Variants in LOX observed in about 807,000 individuals in gnomAD.
The protein encoded by LOX is lysyl oxidase, also known as protein-lysine 6-oxidase.
In LOX, 12 loss-of-function variants were observed where a neutral mutation model predicts 50.5. The observed-to-expected ratio is 0.24, with a 90% confidence interval of 0.15 to 0.38. LOX has a LOEUF of 0.38. Ranked by LOEUF, LOX falls within the 10% of genes least tolerant of loss-of-function variation. LOX has a pLI of 1.00. For missense variants in LOX, 504 were observed against 563.8 expected (o/e 0.89, Z 1.07); for synonymous variants, 254 against 230.6 (o/e 1.10, Z -0.92).
rs1039408394 is a variant in LOX at position 122,065,638 on chromosome 5, G to A, written c.*1105C>T. 1 of 151,928 alleles carries A rather than the reference G, an allele frequency of 6.6e-6. No homozygotes were observed. Among genetic ancestry groups the A allele is most frequent in the Non-Finnish European group, 1.5e-5 (1 of 67,974 alleles). 9.4% of individuals were successfully genotyped at this position (151,928 alleles called of 1,614,324 possible). A position where few individuals can be genotyped will look rare whatever the true frequency, so the allele number is the denominator to read the frequency against. Reference sequence around the variant, plus strand: ...ACACACACATGTGTGACTGATTCCTGAATAACCCAGGATGATGTTCCTGTG... The same window carrying A: ...ACACACACATGTGTGACTGATTCCTAAATAACCCAGGATGATGTTCCTGTG... On this transcript the variant is annotated 3_prime_UTR_variant, in exon 7 of 7. Transcript: ENST00000231004.
chr5:122,066,576 C>T lies in LOX; in HGVS notation c.*167G>A. The T allele has an allele frequency of 1.9e-6, 1 of 523,246 alleles. No individual in the cohort carries two copies. The highest frequency in any genetic ancestry group is 3.5e-6 in the Non-Finnish European group (1 of 285,674). The allele number at this position is 523,246 out of a possible 1,614,324, so 32.4% of individuals were successfully genotyped here. A position where few individuals can be genotyped will look rare whatever the true frequency, so the allele number is the denominator to read the frequency against. On this transcript the variant is annotated 3_prime_UTR_variant, in exon 7 of 7. Transcript: ENST00000231004. ...CCCAAGTAATGATGACTTAAGCGTT[C>T]AAAATCCAGTTATGTGCTTTGTTAT...
rs1393237263 is a variant in LOX, at chr5:122,063,972, T to C, written c.*2771A>G. The C allele has an allele frequency of 1.3e-5, 2 of 151,902 alleles. No individual in the cohort carries two copies. Among genetic ancestry groups the C allele is most frequent in the African/African-American group, 2.4e-5 (1 of 41,414 alleles). 9.4% of individuals were successfully genotyped at this position (151,902 alleles called of 1,614,324 possible). The stretch of plus-strand genomic sequence containing the variant: ...TACAGATTTTCTGGAAATAGGCAAG[T>C]TGTATTCTCATATATGTTATGCTAG... On this transcript the variant is annotated 3_prime_UTR_variant, in exon 7 of 7. Coordinates refer to ENST00000231004, the MANE Select transcript of LOX (RefSeq NM_002317.7).
Position 122,077,882 on chromosome 5 carries a change from G to C in LOX, c.104C>G (p.Pro35Arg), listed in dbSNP as rs757946184. ...AAGQQQPPRE[P>R]PAAPGAWRQQ... ...GCGCCAGGCGCCCGGAGCCGCCGGC[G>C]GCTCGCGCGGGGGCTGCTGTTGGCC... Residue 35 changes from proline (P) to arginine (R), a missense_variant, in exon 1 of 7, where the codon CCG (proline) becomes CGG (arginine). Transcript: ENST00000231004. This position sits in a 1 kb window ranked among gnomAD's most constrained non-coding sequence, Gnocchi z 4.9. 3 of 1,536,092 alleles carry C rather than the reference G, an allele frequency of 2.0e-6. No homozygotes were observed. Among genetic ancestry groups the C allele is most frequent in the Non-Finnish European group, 2.6e-6 (3 of 1,146,998 alleles).
At chr5:122,070,193 G>T in intron 5 of LOX, 25 bp from the exon 6 acceptor site, 2 of 1,298,498 alleles carry the variant, frequency 1.5e-6, no homozygotes, top group Non-Finnish European at 2.2e-6. Context: ...GAGTTCCTCA[G>T]TATTTCTTTT....
In LOX at chr5:122,066,063, T is replaced by C. The variant is rs1754291807; in HGVS notation, c.*680A>G. ...TTGGGCAGCTCCCTTACTTAATTTG[T>C]TCCAAAACAAAAGTTGACTCAAGTC... On this transcript the variant is annotated 3_prime_UTR_variant, in exon 7 of 7. Transcript: ENST00000231004. The C allele has an allele frequency of 6.6e-6, 1 of 152,092 alleles. No homozygotes were observed. Among genetic ancestry groups the C allele is most frequent in the South Asian group, 2.1e-4 (1 of 4,838 alleles). 9.4% of individuals were successfully genotyped at this position (152,092 alleles called of 1,614,324 possible).
Position 122,077,632 on chromosome 5 carries a change from C to T in LOX, c.354G>A (p.Arg118=), listed in dbSNP as rs985716380. 1.2e-6 allele frequency: 2 copies of T among 1,610,962 alleles called. No homozygotes were observed. The highest frequency in any genetic ancestry group is 1.7e-6 in the Non-Finnish European group (2 of 1,179,476). ...GSSGVTAGRP[R]PTARHWFQAG... ...CTTGGAACCAGTGACGGGCGGTGGG[C>T]CTGGGGCGGCCAGCGGTGACTCCAG... The change falls in exon 1 of 7, where the codon AGG becomes AGA. Residue 118 remains arginine (R), a synonymous_variant. Transcript: ENST00000231004. This position sits in a 1 kb window ranked among gnomAD's most constrained non-coding sequence, Gnocchi z 4.9.
chr5:122,071,187 ATT>A (rs1659337206), intron 4 of LOX, among the ~76,000 whole-genome samples: 1 of 130,422 alleles, frequency 7.7e-6, no homozygotes, highest in African/African-American at 3.2e-5. Context: ...AATCGTAAAC[ATT>A]TATATGTGTG....
rs1451725256 is a variant in LOX at position 122,077,867 on chromosome 5, C to T, written c.119G>A (p.Gly40Asp). The T allele has an allele frequency of 1.3e-6, 2 of 1,535,988 alleles. No homozygotes were observed. The highest frequency in any genetic ancestry group is 2.4e-5 in the South Asian group (2 of 82,146). ...QPPREPPAAP[G>D]AWRQQIQWEN... ...CCATTGGATCTGCTGGCGCCAGGCGCCCGGAGCCGCCGGCGGCTCGCGCGG... is the reference window on the plus strand; with the variant it reads ...CCATTGGATCTGCTGGCGCCAGGCGTCCGGAGCCGCCGGCGGCTCGCGCGG... The change falls in exon 1 of 7, where the codon GGC (glycine) becomes GAC (aspartate). Residue 40 changes from glycine to aspartate, a missense_variant. Gly to Asp is a moderately conservative substitution (Grantham distance 94, BLOSUM62 -1). Around this residue, in one of 2 missense-constraint regions of LOX, gnomAD observed 398 missense variants for 365.8 expected, o/e 1.09. Transcript: ENST00000231004. The surrounding 1 kb of genome is among the most constrained non-coding windows in gnomAD (Gnocchi z 4.9).
intron 2 of LOX, 141 bp downstream of exon 2, chr5:122,076,752 C>A: frequency 1.5e-6 from 1 of 660,612 alleles, no homozygotes. Context: ...TCAGCATGCC[C>A]AGGAGGTCAC....
chr5:122,075,678 A>ATTTTG (rs1455538633), intron 2 of LOX, 137 bp from the exon 3 acceptor site: 16 of 550,644 alleles, frequency 2.9e-5, no homozygotes, highest in Non-Finnish European at 4.7e-5. Context: ...AGTCTAAGGC[A>ATTTTG]TTTTGTTTCT....
At chr5:122,076,551 T>A (rs1754641111) in intron 2 of LOX, among the ~76,000 whole-genome samples, 1 of 152,156 alleles carries the variant, frequency 6.6e-6, no homozygotes, top group Non-Finnish European at 1.5e-5. Flanking sequence ...TTACAATAAA[T>A]TTTTTGAATT....
chr5:122,077,458 C>T lies in LOX; in HGVS notation c.528G>A (p.Lys176=). The change falls in exon 1 of 7, where the codon AAG becomes AAA. Residue 176 remains lysine, a synonymous_variant. Transcript: ENST00000231004. This position sits in a 1 kb window ranked among gnomAD's most constrained non-coding sequence, Gnocchi z 4.9. ...MVGDDPYNPY[K]YSDDNPYYNY... is the part of the protein sequence containing the mutation. Reference sequence around the variant, plus strand: ...TGTAATAAGGGTTGTCGTCAGAGTACTTGTAGGGGTTGTAAGGGTCGTCGC... The same window carrying T: ...TGTAATAAGGGTTGTCGTCAGAGTATTTGTAGGGGTTGTAAGGGTCGTCGC... 6.2e-7 allele frequency: 1 copy of T among 1,614,090 alleles called. No homozygotes were observed. Among genetic ancestry groups the T allele is most frequent in the Non-Finnish European group, 8.5e-7 (1 of 1,180,008 alleles).
At chr5:122,072,764 A>T (rs1754486886) in intron 4 of LOX, among the ~76,000 whole-genome samples, 1 of 152,242 alleles carries the variant, frequency 6.6e-6, no homozygotes, top group Non-Finnish European at 1.5e-5. Context: ...AAGCTACCAT[A>T]TAAAATGAAA....
In LOX at chr5:122,074,109, C is replaced by T. The variant is rs778978848; in HGVS notation, c.939G>A (p.Arg313=). 1 of 1,614,016 alleles carries T rather than the reference C, an allele frequency of 6.2e-7. No homozygotes were observed. The highest frequency in any genetic ancestry group is 1.1e-5 in the South Asian group (1 of 91,080). ...TTGCTTTGTGGCCTTCAGCCACTCT[C>T]CTCTGGGTGTTGGCATCAAGCAGGT... ...HYDLLDANTQ[R]RVAEGHKASF... is the part of the protein sequence containing the mutation. The change falls in exon 4 of 7, where the codon AGG becomes AGA. Residue 313 remains arginine, a synonymous_variant. Coordinates refer to ENST00000231004, the MANE Select transcript of LOX (RefSeq NM_002317.7).
chr5:122,077,296 A>C lies in LOX; in HGVS notation c.631+59T>G. On this transcript the variant is annotated intron_variant, in intron 1 of 6. Transcript: ENST00000231004. The surrounding 1 kb of genome is among the most constrained non-coding windows in gnomAD (Gnocchi z 4.9). ...GCCGCGCCCAGGCAGCCACGTCGAG[A>C]AGCCACATAGCTGGGGACCAGGTGC... 1.9e-6 allele frequency: 3 copies of C among 1,605,874 alleles called. No homozygotes were observed. In the South Asian group the frequency reaches 3.3e-5, roughly 18 times the overall value.
chr5:122,070,433 C>A, intron 5 of LOX, 61 bp downstream of exon 5: 2 of 887,454 alleles, frequency 2.3e-6, no homozygotes, highest in South Asian at 1.5e-5. Context: ...CATTTGAATC[C>A]AGAGAAGAGG....
rs749280415 is a variant in LOX at position 122,077,717 on chromosome 5, G to A, written c.269C>T (p.Pro90Leu). Residue 90 changes from proline to leucine, a missense_variant, in exon 1 of 7, where the codon CCG (proline) becomes CTG (leucine). Coordinates refer to ENST00000231004, the MANE Select transcript of LOX (RefSeq NM_002317.7). This position sits in a 1 kb window ranked among gnomAD's most constrained non-coding sequence, Gnocchi z 4.9. ...GCGGTTGTCGCGGATCAGCAGGATC[G>A]GAGTGCGGGGCTGCTGGGCGGAGGC... The part of the protein sequence containing the change: ...ANASAQQPRT[P>L]ILLIRDNRTA... The A allele has an allele frequency of 5.7e-6, 9 of 1,586,302 alleles. No homozygotes were observed. The highest frequency in any genetic ancestry group is 1.7e-4 in the Middle Eastern group (1 of 6,030).
rs997062975 is a variant in LOX, at chr5:122,066,705, A to C, written c.*38T>G. 6.3e-7 allele frequency: 1 copy of C among 1,576,728 alleles called. No homozygotes were observed. Among genetic ancestry groups the C allele is most frequent in the African/African-American group, 1.3e-5 (1 of 74,222 alleles). On this transcript the variant is annotated 3_prime_UTR_variant, in exon 7 of 7. Transcript: ENST00000231004. ...CTATTTTTTCCCACTTCAGAACACCAGGCACTGATTTATCCATTGGGAGTT... is the reference window on the plus strand; with the variant it reads ...CTATTTTTTCCCACTTCAGAACACCCGGCACTGATTTATCCATTGGGAGTT...
chr5:122,074,360 G>C (rs945023704), intron 3 of LOX, among the ~76,000 whole-genome samples, 191 bp from the exon 4 acceptor site: 25 of 151,982 alleles, frequency 1.6e-4, no homozygotes, highest in African/African-American at 5.8e-4. Context: ...AAAATTGTAA[G>C]GTTTAACTTT....
Sources: allele counts gnomAD v4.1 joint callset (sites outside exome capture counted in the v4.1 genomes callset), GRCh38; gene constraint gnomAD v4.1.1; regional missense constraint gnomAD v4.1.1; non-coding constraint Gnocchi (gnomAD v3.1); transcripts MANE v1.5; gene names NCBI Gene and HGNC (gene_info 2026-07-23, HGNC 2026-07-21).